Variants in HLF observed in about 807,000 individuals in gnomAD.
HLF encodes the protein hepatic leukemia factor.
A neutral mutation model predicts 22.6 loss-of-function variants in HLF; 3 were observed. The observed-to-expected ratio is 0.13, with a 90% CI of 0.06 to 0.34. HLF has a LOEUF of 0.34. HLF is among the 10% of genes least tolerant of loss of function. The pLI is 1.00. For missense variants in HLF, 299 were observed against 389.2 expected, an observed-to-expected ratio of 0.77 and a Z score of 1.95; for synonymous variants, 151 against 151.8, an observed-to-expected ratio of 0.99 and a Z score of 0.04.
chr17:55,284,734 A>G (rs953678482), intron 2 of HLF, among the ~76,000 whole-genome samples: 2 of 152,162 alleles, frequency 1.3e-5, no homozygotes, highest in African/African-American at 4.8e-5. Context: ...TTCAGAAGTT[A>G]CCTGGGTCCT....
At chr17:55,306,574 GTATGCATGTGTA>G (rs1904570074) in intron 2 of HLF, among the ~76,000 whole-genome samples, 1 of 146,004 alleles carries the variant, frequency 6.8e-6, no homozygotes, top group East Asian at 2.0e-4. Flanking sequence ...GTGTGTGTGT[GTATGCATGTGTA>G]TGTGTATGCA....
intron 2 of HLF, among the ~76,000 whole-genome samples, chr17:55,295,954 GA>G (rs778280324): frequency 2.6e-5 from 4 of 152,166 alleles, no homozygotes; most frequent in African/African-American, 9.6e-5. Context: ...TTTTTATGGG[GA>G]AAAAATGCAT....
At position 55,320,412 on chromosome 17, in the gene HLF, T is replaced by C. The variant is rs1161123576; in HGVS notation, c.673-252T>C. Among the ~76,000 whole-genome samples the C allele has an allele frequency of 6.6e-6, 1 of 152,216 alleles. No homozygotes were observed. The highest frequency in any genetic ancestry group is 1.5e-5 in the Non-Finnish European group (1 of 68,036). ...ATCCAGCCTCTGATCTCTGCTTCAC[T>C]GAGCACGCCTCTGCTGGGCAAAGAG... On this transcript the variant is annotated intron_variant, in intron 3 of 3. Coordinates refer to ENST00000226067, the MANE Select transcript of HLF (RefSeq NM_002126.5). This position sits in a 1 kb window ranked among gnomAD's most constrained non-coding sequence, Gnocchi z 4.2.
chr17:55,272,463 T>A (rs117414935), intron 2 of HLF: 1 of 152,360 alleles, frequency 6.6e-6, no homozygotes, highest in Non-Finnish European at 1.5e-5. Flanking sequence ...TTAAGAAGGC[T>A]GTCTTTCTAG....
intron 2 of HLF, among the ~76,000 whole-genome samples, chr17:55,300,446 A>G (rs545534394): frequency 3.3e-5 from 5 of 152,314 alleles, no homozygotes; most frequent in South Asian, 4.1e-4. Flanking sequence ...TTGCCCTTCT[A>G]TAGCCTACAT....
chr17:55,321,073 G>A lies in HLF; in HGVS notation c.*194G>A. 1 of 565,440 alleles carries A rather than the reference G, an allele frequency of 1.8e-6. No homozygotes were observed. Among genetic ancestry groups the A allele is most frequent in the South Asian group, 2.1e-5 (1 of 47,382 alleles). 35.0% of individuals were successfully genotyped at this position (565,440 alleles called of 1,614,324 possible). A position where few individuals can be genotyped will look rare whatever the true frequency, so the allele number is the denominator to read the frequency against. ...TGCTCATGTGTGTGGTCAGCGGTAT[G>A]TGCGTGTGCGTGTTCCTTTGCTCTT... On this transcript the variant is annotated 3_prime_UTR_variant, in exon 4 of 4. Transcript: ENST00000226067.
At chr17:55,308,715 C>A (rs536798610) in intron 2 of HLF, among the ~76,000 whole-genome samples, 1 of 152,302 alleles carries the variant, frequency 6.6e-6, no homozygotes, top group African/African-American at 2.4e-5. Context: ...AAACACTCTC[C>A]CCCTATGCAA....
chr17:55,270,169 A>G (rs1173775591), intron 2 of HLF, among the ~76,000 whole-genome samples: 1 of 152,200 alleles, frequency 6.6e-6, no homozygotes, highest in Non-Finnish European at 1.5e-5. Flanking sequence ...GTCATTTTGT[A>G]AGGTTCTGGT....
At position 55,324,783 on chromosome 17, in the gene HLF, G is replaced by A. The variant is rs530190459; in HGVS notation, c.*3904G>A. The A allele has an allele frequency of 3.7e-3, 858 of 229,588 alleles. 3 individuals carry two copies. Among genetic ancestry groups the A allele is most frequent in the African/African-American group, 0.018 (775 of 44,098 alleles). The allele number at this position is 229,588 out of a possible 1,614,324, so 14.2% of individuals were successfully genotyped here. On this transcript the variant is annotated 3_prime_UTR_variant, in exon 4 of 4. Transcript: ENST00000226067. ...GTCAATACATTTTGCAGGAGGCTAA[G>A]TGTAAGAGTGTGTGTGTGTGTGTGT...
At chr17:55,309,965 TGCTTGCTAATGA>T (rs1296717764) in intron 2 of HLF, among the ~76,000 whole-genome samples, 1 of 152,266 alleles carries the variant, frequency 6.6e-6, no homozygotes. Flanking sequence ...CATTGATGGC[TGCTTGCTAATGA>T]GCTAATTGAA....
Position 55,320,841 on chromosome 17 carries a change from A to C in HLF, c.850A>C (p.Ile284Leu). The C allele has an allele frequency of 1.2e-6, 2 of 1,613,630 alleles. No individual in the cohort carries two copies. Among genetic ancestry groups the C allele is most frequent in the Non-Finnish European group, 1.7e-6 (2 of 1,179,888 alleles). ...GAAGGAGCTGGGCAAATGCAAGAAC[A>C]TACTTGCCAAGTATGAGGCCAGGCA... ...LRKELGKCKN[I>L]LAKYEARHGP... The change falls in exon 4 of 4, where the codon ATA (isoleucine) becomes CTA (leucine). Residue 284 changes from isoleucine (I) to leucine (L), a missense_variant. Physicochemically the swap from Ile to Leu is conservative, Grantham distance 5. Coordinates refer to ENST00000226067, the MANE Select transcript of HLF (RefSeq NM_002126.5). This position sits in a 1 kb window ranked among gnomAD's most constrained non-coding sequence, Gnocchi z 4.2.
In HLF at chr17:55,320,757, C is replaced by T. The variant is rs1390056163; in HGVS notation, c.766C>T (p.Arg256Trp). The T allele has an allele frequency of 2.5e-6, 4 of 1,613,890 alleles. No individual in the cohort carries two copies. Among genetic ancestry groups the T allele is most frequent in the African/African-American group, 1.3e-5 (1 of 74,954 alleles). ...GCTGAAAGAGAACCAGATCGCCATC[C>T]GGGCCTCGTTCCTGGAGAAGGAGAA... ...RRLKENQIAI[R>W]ASFLEKENSA... The change falls in exon 4 of 4, where the codon CGG becomes TGG. Residue 256 changes from arginine (R) to tryptophan (W), a missense_variant. Physicochemically the swap from Arg to Trp is moderately radical, Grantham distance 101. This residue lies in a region of HLF where 224 missense variants were observed against 298.1 expected (regional missense o/e 0.75). Coordinates refer to ENST00000226067, the MANE Select transcript of HLF (RefSeq NM_002126.5). This position sits in a 1 kb window ranked among gnomAD's most constrained non-coding sequence, Gnocchi z 4.2.
rs1254566821 is a variant in HLF at position 55,288,782 on chromosome 17, A to G, written c.451+20696A>G. 1.2e-5 allele frequency: 4 copies of G among 325,320 alleles called. No homozygotes were observed. In the Admixed American group the frequency reaches 2.6e-4, roughly 21 times the overall value. 20.2% of individuals were successfully genotyped at this position (325,320 alleles called of 1,614,324 possible). A position where few individuals can be genotyped will look rare whatever the true frequency, so the allele number is the denominator to read the frequency against. ...AAAAAAAAAAAAGTTAAATTAAAAA[A>G]AATATTCAAGAATGAAGAGTGTTTT... On this transcript the variant is annotated intron_variant, in intron 2 of 3. Transcript: ENST00000226067.
chr17:55,319,719 A>AT (rs202155826), intron 3 of HLF, among the ~76,000 whole-genome samples: 20 of 148,942 alleles, frequency 1.3e-4, no homozygotes, highest in Middle Eastern at 3.5e-3. Context: ...CAGGTTGAAG[A>AT]TTTTTTTTTT....
intron 2 of HLF, chr17:55,272,627 G>A (rs1342830800): frequency 2.0e-5 from 3 of 152,256 alleles, no homozygotes; most frequent in Non-Finnish European, 4.4e-5. Context: ...GCAATATGGA[G>A]TTTGTATTCT....
intron 3 of HLF, among the ~76,000 whole-genome samples, chr17:55,317,991 G>C (rs1216939377): frequency 1.3e-5 from 2 of 152,164 alleles, no homozygotes; most frequent in Non-Finnish European, 2.9e-5. Context: ...CTCTAACCCT[G>C]TATCAGGGGC....
chr17:55,285,963 C>T (rs2081000342), intron 2 of HLF, among the ~76,000 whole-genome samples: 1 of 152,178 alleles, frequency 6.6e-6, no homozygotes, highest in Non-Finnish European at 1.5e-5. Flanking sequence ...CTGAGAGAAG[C>T]CCCTTCCTTC....
chr17:55,290,467 T>C (rs571919786), intron 2 of HLF, among the ~76,000 whole-genome samples: 9 of 152,208 alleles, frequency 5.9e-5, no homozygotes, highest in Non-Finnish European at 1.3e-4. Flanking sequence ...TGTTGATCTA[T>C]GATCAGTGAT....
rs764771653 is a variant in HLF at position 55,285,886 on chromosome 17, C to T, written c.451+17800C>T. 1.1e-4 allele frequency among the ~76,000 whole-genome samples: 16 copies of T among 152,306 alleles called. 1 individual carries two copies. Among genetic ancestry groups the T allele is most frequent in the South Asian group, 2.1e-4 (1 of 4,826 alleles). On this transcript the variant is annotated intron_variant, in intron 2 of 3. Transcript: ENST00000226067. ...ACCTTTAGAAAATGTTTTACTTTTG[C>T]GCCTGTCTTCATCTTCTTCGCGGTG...
Sources: allele counts gnomAD v4.1 joint callset (sites outside exome capture counted in the v4.1 genomes callset), GRCh38; gene constraint gnomAD v4.1.1; regional missense constraint gnomAD v4.1.1; non-coding constraint Gnocchi (gnomAD v3.1); transcripts MANE v1.5; gene names NCBI Gene and HGNC (gene_info 2026-07-23, HGNC 2026-07-21).